CREM: variants seen among roughly 807,000 people sequenced by gnomAD.
CREM encodes the protein cAMP-responsive element modulator.
A neutral mutation model predicts 37.3 loss-of-function variants in CREM; 13 were observed. The observed-to-expected ratio is 0.35, with a 90% CI of 0.23 to 0.55. CREM has a LOEUF of 0.55. CREM is among the 20% of genes least tolerant of loss of function. The pLI is 0.88. For synonymous variants in CREM, 124 were observed against 120.2 expected, an observed-to-expected ratio of 1.03 and a Z score of -0.21; for missense variants, 296 against 362.3, an observed-to-expected ratio of 0.82 and a Z score of 1.49.
rs774805146 is a variant in CREM, at chr10:35,195,262, G to C, written c.598+6874G>C. 8.7e-6 allele frequency: 14 copies of C among 1,604,338 alleles called. No homozygotes were observed. In the South Asian group the frequency reaches 1.3e-4, roughly 15 times the overall value. ...TTCAGTTAATTGTGCAGATTGTTTT[G>C]AAGTTTAGGAAGTATTCAGGAACAT... On this transcript the variant is annotated intron_variant, in intron 6 of 7. Coordinates refer to ENST00000685392, the MANE Select transcript of CREM (RefSeq NM_183011.2).
intron 3 of CREM, among the ~76,000 whole-genome samples, chr10:35,162,197 C>T (rs1169812715): frequency 2.0e-5 from 3 of 152,196 alleles, no homozygotes; most frequent in Non-Finnish European, 2.9e-5. Flanking sequence ...CATGCTCTCA[C>T]TCATGTGTGG....
intron 3 of CREM, among the ~76,000 whole-genome samples, chr10:35,166,084 A>AT (rs1292972193): frequency 6.6e-6 from 1 of 152,130 alleles, no homozygotes; most frequent in Non-Finnish European, 1.5e-5. Context: ...TGCGCTATAC[A>AT]TAAAAAAAAG....
chr10:35,210,973 G>A (rs1045292196), intron 7 of CREM, among the ~76,000 whole-genome samples: 1 of 152,202 alleles, frequency 6.6e-6, no homozygotes, highest in Non-Finnish European at 1.5e-5. Flanking sequence ...TCCTATTGTA[G>A]TTTACTGAAA....
At chr10:35,146,912 A>C (rs968364295) in intron 2 of CREM, among the ~76,000 whole-genome samples, 1 of 152,194 alleles carries the variant, frequency 6.6e-6, no homozygotes, top group Admixed American at 6.5e-5. Flanking sequence ...TGGATGTTTT[A>C]ATTCAAAGAT....
chr10:35,143,499 A>G (rs185844263), intron 2 of CREM, among the ~76,000 whole-genome samples: 81 of 152,286 alleles, frequency 5.3e-4, no homozygotes, highest in African/African-American at 1.8e-3. Context: ...CACATTGGCA[A>G]TGTCCAGGGT....
chr10:35,174,743 C>T (rs1402399519), intron 3 of CREM, among the ~76,000 whole-genome samples: 2 of 152,136 alleles, frequency 1.3e-5, no homozygotes, highest in Non-Finnish European at 2.9e-5. Context: ...ATTATGCTAG[C>T]CTATAGGACA....
rs1018003697 is a variant in CREM, at chr10:35,194,706, A to G, written c.598+6318A>G. Among the ~76,000 whole-genome samples, 9 of 151,470 alleles carry G rather than the reference A, an allele frequency of 5.9e-5. No homozygotes were observed. In the East Asian group the frequency reaches 1.5e-3, roughly 26 times the overall value. Reference sequence around the variant, plus strand: ...TTTCTTGGTGAGTTTAGAAGTGACTATGAAATATGGTATTTCTTTGCTGAT... The same window carrying G: ...TTTCTTGGTGAGTTTAGAAGTGACTGTGAAATATGGTATTTCTTTGCTGAT... On this transcript the variant is annotated intron_variant, in intron 6 of 7. Coordinates refer to ENST00000685392, the MANE Select transcript of CREM (RefSeq NM_183011.2).
intron 1 of CREM, among the ~76,000 whole-genome samples, chr10:35,129,229 T>C (rs2088820452): frequency 1.3e-5 from 2 of 152,298 alleles, no homozygotes; most frequent in South Asian, 4.1e-4. Flanking sequence ...ATGAATAAAT[T>C]TTTATTGAAT....
chr10:35,170,012 G>T (rs1280322490), intron 3 of CREM, among the ~76,000 whole-genome samples: 1 of 149,342 alleles, frequency 6.7e-6, no homozygotes, highest in African/African-American at 2.5e-5. Context: ...GCCCAAGCTG[G>T]AGTGCAGTGG....
In CREM at chr10:35,211,978, T is replaced by G. The variant is rs913393335; in HGVS notation, c.*580T>G. ...GTTAAGTCGTAGCTATAACTTCAAATTTTTTAAAAGAGACAAACTGTAAAA... is the reference window on the plus strand; with the variant it reads ...GTTAAGTCGTAGCTATAACTTCAAAGTTTTTAAAAGAGACAAACTGTAAAA... On this transcript the variant is annotated 3_prime_UTR_variant, in exon 8 of 8. Transcript: ENST00000685392. 1 of 563,782 alleles carries G rather than the reference T, an allele frequency of 1.8e-6. No homozygotes were observed. The highest frequency in any genetic ancestry group is 1.9e-5 in the African/African-American group (1 of 51,538). 34.9% of individuals were successfully genotyped at this position (563,782 alleles called of 1,614,324 possible).
At chr10:35,193,908 T>TG (rs1328524496) in intron 6 of CREM, among the ~76,000 whole-genome samples, 2 of 151,804 alleles carry the variant, frequency 1.3e-5, no homozygotes, top group African/African-American at 4.8e-5. Flanking sequence ...GAGACCAGCC[T>TG]GGCCAACATG....
At chr10:35,201,280 G>A (rs1261663662) in intron 6 of CREM, among the ~76,000 whole-genome samples, 7 of 152,116 alleles carry the variant, frequency 4.6e-5, no homozygotes, top group Admixed American at 4.6e-4. Flanking sequence ...ACTAATATAC[G>A]GTATAAGCAT....
chr10:35,169,270 T>C (rs1210503581), intron 3 of CREM, among the ~76,000 whole-genome samples: 1 of 152,322 alleles, frequency 6.6e-6, no homozygotes, highest in East Asian at 1.9e-4. Flanking sequence ...CTCTTTTATT[T>C]CATTGAGCAG....
chr10:35,189,768 G>A (rs543016193), intron 6 of CREM, among the ~76,000 whole-genome samples: 2 of 152,224 alleles, frequency 1.3e-5, no homozygotes, highest in East Asian at 3.9e-4. Flanking sequence ...CACCCACCTT[G>A]GCCTCCCAAA....
rs773240403 is a variant in CREM at position 35,211,283 on chromosome 10, A to G, written c.785A>G (p.Lys262Arg). 6.2e-7 allele frequency: 1 copy of G among 1,614,036 alleles called. No individual in the cohort carries two copies. Among genetic ancestry groups the G allele is most frequent in the East Asian group, 2.2e-5 (1 of 44,900 alleles). Reference protein sequence around the residue: ...REAARECRRKKKEYVKCLENR... With the variant: ...REAARECRRKRKEYVKCLENR... Reference sequence around the variant, plus strand: ...GCTGCCCGGGAGTGTCGCAGGAAGAAGAAAGAATATGTCAAATGTCTTGAA... The same window carrying G: ...GCTGCCCGGGAGTGTCGCAGGAAGAGGAAAGAATATGTCAAATGTCTTGAA... Residue 262 changes from lysine to arginine, a missense_variant, in exon 8 of 8, where the codon AAG (lysine) becomes AGG (arginine). Physicochemically the swap from Lys to Arg is conservative, Grantham distance 26 (BLOSUM62 2). Around this residue, in one of 2 missense-constraint regions of CREM, gnomAD observed 39 missense variants for 82.0 expected, o/e 0.48. Coordinates refer to ENST00000685392, the MANE Select transcript of CREM (RefSeq NM_183011.2).
At chr10:35,170,065 C>T (rs2093734970) in intron 3 of CREM, among the ~76,000 whole-genome samples, 1 of 151,470 alleles carries the variant, frequency 6.6e-6, no homozygotes. Context: ...TGGGTTCACG[C>T]CATTCTCCTG....
At chr10:35,210,348 A>G (rs1365982884) in intron 7 of CREM, 1 of 152,186 alleles carries the variant, frequency 6.6e-6, no homozygotes, top group Non-Finnish European at 1.5e-5. Flanking sequence ...AAAAGAGAAA[A>G]TGTTGGCTCT....
chr10:35,142,374 A>G (rs1390018794), intron 2 of CREM, among the ~76,000 whole-genome samples: 1 of 152,130 alleles, frequency 6.6e-6, no homozygotes, highest in African/African-American at 2.4e-5. Flanking sequence ...GCAAGGGAAC[A>G]TGGTGAGTGT....
intron 6 of CREM, chr10:35,201,580 A>G (rs1340838601): frequency 4.1e-6 from 6 of 1,456,362 alleles, no homozygotes; most frequent in Non-Finnish European, 5.6e-6. Flanking sequence ...ATATGTAGTT[A>G]ATGACCAAAA....
Sources: gnomAD v4.1 joint callset for allele counts (sites outside exome capture counted in the v4.1 genomes callset) on GRCh38, gnomAD v4.1.1 for gene constraint, gnomAD v4.1.1 regional missense constraint, MANE v1.5 for transcripts, NCBI Gene and HGNC (gene_info 2026-07-23, HGNC 2026-07-21) for gene names.